ROBO2: variants seen among roughly 807,000 people sequenced by gnomAD.
ROBO2 encodes roundabout homolog 2.
In ROBO2, 53 loss-of-function variants were observed where a neutral mutation model predicts 160.8. The ratio of observed to expected loss-of-function variants is 0.33; its 90% CI spans 0.26 to 0.41. The LOEUF is 0.41. ROBO2 is among the 10% of genes least tolerant of loss of function. The pLI, the probability that ROBO2 is intolerant of heterozygous loss-of-function variation, is 1.00. For missense variants in ROBO2, 1,577 were observed against 1,722.4 expected, an observed-to-expected ratio of 0.92 and a Z score of 1.49; for synonymous variants, 664 against 611.7, an observed-to-expected ratio of 1.09 and a Z score of -1.26.
Position 77,206,710 on chromosome 3 carries a change from C to T in ROBO2, c.388+108370C>T, listed in dbSNP as rs556217380. Among the ~76,000 whole-genome samples, 491 of 151,682 alleles carry T rather than the reference C, an allele frequency of 3.2e-3. 6 individuals carry two copies. The highest frequency in any genetic ancestry group is 5.6e-3 in the Non-Finnish European group (378 of 67,898). ...GGAATAAGGTAATTTTAATGCTAGC[C>T]TTTTTTGCATGAAATTAATTTAGTA... On this transcript the variant is annotated intron_variant, in intron 2 of 25. Coordinates refer to ENST00000461745, the Ensembl canonical transcript of ROBO2.
chr3:77,364,728 A>G (rs1196004559), intron 2 of ROBO2, among the ~76,000 whole-genome samples: 1 of 152,182 alleles, frequency 6.6e-6, no homozygotes, highest in Non-Finnish European at 1.5e-5. Flanking sequence ...ATTTAATTAG[A>G]TAATACTTTT....
At chr3:76,870,081 T>C (rs6792260) in intron 2 of ROBO2, among the ~76,000 whole-genome samples, 7,392 of 152,212 alleles carry the variant, frequency 0.049, 421 homozygotes, top group African/African-American at 0.13. Context: ...GCTGGAGAGA[T>C]GTGGTATAAA....
At chr3:76,635,011 G>A (rs1278039912) in intron 2 of ROBO2, among the ~76,000 whole-genome samples, 1 of 152,210 alleles carries the variant, frequency 6.6e-6, no homozygotes, top group Non-Finnish European at 1.5e-5. Context: ...AGGTGGAACA[G>A]TTTCATCCTG....
intron 2 of ROBO2, among the ~76,000 whole-genome samples, chr3:77,348,361 A>G (rs1274031061): frequency 6.6e-6 from 1 of 152,104 alleles, no homozygotes; most frequent in Non-Finnish European, 1.5e-5. Context: ...TTGCCACAGC[A>G]TCTGTAAACT....
At chr3:77,194,878 G>A (rs1426480290) in intron 2 of ROBO2, among the ~76,000 whole-genome samples, 5 of 151,930 alleles carry the variant, frequency 3.3e-5, no homozygotes, top group African/African-American at 1.2e-4. Context: ...TATCACAAAT[G>A]CATTTTTATA....
chr3:77,180,924 G>A (rs1431412951), intron 2 of ROBO2, among the ~76,000 whole-genome samples: 1 of 151,916 alleles, frequency 6.6e-6, no homozygotes, highest in Non-Finnish European at 1.5e-5. Flanking sequence ...CAAGCAAAAT[G>A]ATTTTTGAAA....
intron 2 of ROBO2, among the ~76,000 whole-genome samples, chr3:76,664,040 T>C (rs2091928310): frequency 6.6e-6 from 1 of 152,118 alleles, no homozygotes; most frequent in Non-Finnish European, 1.5e-5. Context: ...AGAGAAAGCA[T>C]TTTAGTTCCA....
At chr3:76,956,433 T>A (rs1246075370) in intron 2 of ROBO2, among the ~76,000 whole-genome samples, 4 of 151,784 alleles carry the variant, frequency 2.6e-5, no homozygotes, top group African/African-American at 9.7e-5. Context: ...GGCGGACACC[T>A]GTAGTCCCAG....
At chr3:76,998,774 A>G (rs1233559620) in intron 2 of ROBO2, among the ~76,000 whole-genome samples, 4 of 152,098 alleles carry the variant, frequency 2.6e-5, no homozygotes, top group Non-Finnish European at 2.9e-5. Flanking sequence ...TGTGCTGGCA[A>G]TTCTCTGGAA....
chr3:76,471,136 C>G (rs1325846697), intron 2 of ROBO2, among the ~76,000 whole-genome samples: 1 of 152,110 alleles, frequency 6.6e-6, no homozygotes, highest in Non-Finnish European at 1.5e-5. Context: ...CCTGTGAATA[C>G]TTGTATCATT....
chr3:76,508,923 CT>C (rs59017621), intron 2 of ROBO2, among the ~76,000 whole-genome samples: 4,993 of 152,192 alleles, frequency 0.033, 293 homozygotes, highest in African/African-American at 0.11. Flanking sequence ...TGTCTGGATT[CT>C]TTATCCATTG....
intron 2 of ROBO2, among the ~76,000 whole-genome samples, chr3:75,946,721 AG>A (rs1948309721): frequency 6.6e-6 from 1 of 152,120 alleles, no homozygotes; most frequent in Admixed American, 6.6e-5. Flanking sequence ...AGAGCTTGAT[AG>A]TTTCTTACAA....
chr3:76,956,491 A>G (rs2079270089), intron 2 of ROBO2, among the ~76,000 whole-genome samples: 1 of 150,326 alleles, frequency 6.7e-6, no homozygotes, highest in South Asian at 2.1e-4. Context: ...CAGGAGGCAG[A>G]GCTTGCAGTG....
chr3:76,680,396 A>G (rs978814788), intron 2 of ROBO2, among the ~76,000 whole-genome samples: 5 of 150,074 alleles, frequency 3.3e-5, no homozygotes, highest in Non-Finnish European at 7.4e-5. Context: ...ACCAGATTTA[A>G]TATGTTACCT....
At chr3:77,080,794 G>A (rs149759622) in intron 1 of ROBO2, among the ~76,000 whole-genome samples, 1 of 152,062 alleles carries the variant, frequency 6.6e-6, no homozygotes, top group Non-Finnish European at 1.5e-5. Context: ...ACATTTGCTC[G>A]TGTGTTTCTC....
chr3:76,967,975 C>T (rs1374856861), intron 2 of ROBO2, among the ~76,000 whole-genome samples: 1 of 152,008 alleles, frequency 6.6e-6, no homozygotes, highest in African/African-American at 2.4e-5. Context: ...AGGGATATGG[C>T]CAAGGTTCTT....
intron 2 of ROBO2, among the ~76,000 whole-genome samples, chr3:76,964,174 G>GT (rs2079892600): frequency 2.0e-5 from 3 of 152,080 alleles, no homozygotes; most frequent in Admixed American, 2.0e-4. Context: ...GAGAATCCAA[G>GT]TTTTTTTCTC....
chr3:76,356,262 A>T (rs184099455), intron 2 of ROBO2, among the ~76,000 whole-genome samples: 172 of 151,790 alleles, frequency 1.1e-3, no homozygotes, highest in Non-Finnish European at 2.0e-3. Flanking sequence ...GATAACAGGA[A>T]AAGAGAAACA....
In ROBO2 at chr3:76,009,718, G is replaced by C. The variant is rs184765883; in HGVS notation, c.109+72116G>C. The stretch of plus-strand genomic sequence containing the variant: ...CATATATAGTTTTAGTTTAATGTAA[G>C]TGAATAAGATACATAATAATGCTGG... On this transcript the variant is annotated intron_variant, in intron 2 of 26. Coordinates refer to the ROBO2 transcript ENST00000487694. Among the ~76,000 whole-genome samples, 7 of 152,306 alleles carry C rather than the reference G, an allele frequency of 4.6e-5. No homozygotes were observed. The East Asian group carries it at 1.2e-3, about 25-fold the overall frequency.
Sources: gnomAD v4.1 joint callset for allele counts (sites outside exome capture counted in the v4.1 genomes callset) on GRCh38, gnomAD v4.1.1 for gene constraint, MANE v1.5 for transcripts, NCBI Gene and HGNC (gene_info 2026-07-23, HGNC 2026-07-21) for gene names.